Variants in THOC2 observed in about 807,000 individuals in gnomAD.
THOC2 encodes THO complex subunit 2.
THOC2 carries 10 observed loss-of-function variants against 128.4 expected under a neutral mutation model. That is an observed-to-expected ratio of 0.08 (90% CI 0.05 to 0.13). THOC2 has a LOEUF of 0.13. THOC2 is among the 10% of genes least tolerant of loss of function. THOC2 has a pLI of 1.00. For missense variants in THOC2, 535 were observed against 1,155.7 expected, an observed-to-expected ratio of 0.46 and a Z score of 7.79; for synonymous variants, 393 against 396.9, an observed-to-expected ratio of 0.99 and a Z score of 0.12.
chrX:123,713,341 G>A (rs1343372906), intron 1 of THOC2, among the ~76,000 whole-genome samples: 5 of 109,974 alleles, frequency 4.5e-5, no homozygotes, highest in African/African-American at 9.9e-5. Context: ...CAGGCGTGGC[G>A]GCATGCACGT....
intron 9 of THOC2, among the ~76,000 whole-genome samples, chrX:123,669,285 T>C (rs1222808601): frequency 9.1e-6 from 1 of 110,280 alleles, no homozygotes; most frequent in African/African-American, 3.3e-5. Context: ...ATTGCTGTAC[T>C]TATACACCTG....
chrX:123,692,071 GAAGA>G (rs2050244001), intron 7 of THOC2, among the ~76,000 whole-genome samples: 1 of 111,596 alleles, frequency 9.0e-6, no homozygotes, highest in South Asian at 3.7e-4. Context: ...CACTGATTTA[GAAGA>G]AAGGAAAGGA....
rs2050957486 is a variant in THOC2 at position 123,706,920 on chromosome X, A to G, written c.160T>C (p.Tyr54His). 3 of 1,158,942 alleles carry G rather than the reference A, an allele frequency of 2.6e-6. No individual in the cohort carries two copies. Among genetic ancestry groups the G allele is most frequent in the East Asian group, 6.2e-5 (2 of 32,495 alleles). ...TTTAGATTTCCTTTAATTACATGAT[A>G]TGACAACTCATAGAGAGCTTGCTGG... ...DFQQALYELS[Y>H]HVIKGNLKHE... is the part of the protein sequence containing the mutation. Residue 54 changes from tyrosine (Y) to histidine (H), a missense_variant, in exon 3 of 39, where the codon TAT (tyrosine) becomes CAT (histidine). Physicochemically the swap from Tyr to His is moderately conservative, Grantham distance 83. Around this residue, in one of 9 missense-constraint regions of THOC2, gnomAD observed 61 missense variants for 84.3 expected, o/e 0.72. Transcript: ENST00000245838.
At chrX:123,685,623 G>A (rs181432630) in intron 8 of THOC2, among the ~76,000 whole-genome samples, 5 of 111,453 alleles carry the variant, frequency 4.5e-5, no homozygotes, top group African/African-American at 1.3e-4. Context: ...AGATAAGGCC[G>A]GAAAGAACAG....
chrX:123,709,207 A>C (rs2051073421), intron 2 of THOC2, among the ~76,000 whole-genome samples: 1 of 112,583 alleles, frequency 8.9e-6, no homozygotes, highest in African/African-American at 3.2e-5. Context: ...TACAATGAGG[A>C]GGAAAACTTA....
intron 1 of THOC2, among the ~76,000 whole-genome samples, chrX:123,726,008 A>C (rs1481482070): frequency 9.0e-6 from 1 of 111,373 alleles, no homozygotes; most frequent in East Asian, 2.8e-4. Flanking sequence ...CAAGAGTTTG[A>C]GACTAGCCTA....
At chrX:123,616,652 G>A (rs1225838296) in intron 33 of THOC2, among the ~76,000 whole-genome samples, 1 of 108,185 alleles carries the variant, frequency 9.2e-6, no homozygotes, top group African/African-American at 3.3e-5. Context: ...GAGAGAGGCT[G>A]ATTAATGGAA....
chrX:123,617,468 G>A (rs2046939373), intron 33 of THOC2, among the ~76,000 whole-genome samples: 1 of 111,229 alleles, frequency 9.0e-6, no homozygotes, highest in African/African-American at 3.2e-5. Flanking sequence ...CACACTAAAG[G>A]AGCTAGAAAA....
intron 15 of THOC2, among the ~76,000 whole-genome samples, chrX:123,643,063 A>G (rs751521412): frequency 8.9e-6 from 1 of 111,872 alleles, no homozygotes; most frequent in African/African-American, 3.2e-5. Context: ...CTTCACTAGA[A>G]GTAACACTGG....
intron 36 of THOC2, 80 bp from the exon 37 acceptor site, chrX:123,611,596 G>A (rs2046701002): frequency 6.5e-6 from 4 of 619,627 alleles, no homozygotes; most frequent in Non-Finnish European, 1.0e-5. Flanking sequence ...CATCACCCGC[G>A]AGCTATATTT....
At chrX:123,674,189 T>C (rs2049393237) in intron 8 of THOC2, among the ~76,000 whole-genome samples, 1 of 112,176 alleles carries the variant, frequency 8.9e-6, no homozygotes, top group Non-Finnish European at 1.9e-5. Flanking sequence ...GTCCAATAAT[T>C]ACACAACTAT....
intron 7 of THOC2, among the ~76,000 whole-genome samples, chrX:123,687,022 C>T (rs1367272968): frequency 9.0e-6 from 1 of 111,263 alleles, no homozygotes; most frequent in Non-Finnish European, 1.9e-5. Context: ...TTCTTGATTA[C>T]TCGGGCTAGT....
chrX:123,627,430 G>C (rs2047309402), intron 23 of THOC2, among the ~76,000 whole-genome samples: 1 of 111,411 alleles, frequency 9.0e-6, no homozygotes, highest in Non-Finnish European at 1.9e-5. Flanking sequence ...CTTGCTATTA[G>C]AGTCACATGA....
At chrX:123,709,833 A>G (rs1216077802) in intron 2 of THOC2, among the ~76,000 whole-genome samples, 1 of 111,629 alleles carries the variant, frequency 9.0e-6, no homozygotes, top group Non-Finnish European at 1.9e-5. Flanking sequence ...ATTACACATT[A>G]TATACACGTA....
chrX:123,712,527 AT>A (rs1304824834), intron 2 of THOC2, among the ~76,000 whole-genome samples: 1 of 111,596 alleles, frequency 9.0e-6, no homozygotes, highest in Non-Finnish European at 1.9e-5. Flanking sequence ...GATCAGAACA[AT>A]TTTTCTTTCC....
At chrX:123,606,328 A>G (rs1398022121) in intron 38 of THOC2, among the ~76,000 whole-genome samples, 1 of 109,908 alleles carries the variant, frequency 9.1e-6, no homozygotes, top group African/African-American at 3.3e-5. Context: ...GTGGTGGCTC[A>G]CACCTGTAAT....
intron 38 of THOC2, among the ~76,000 whole-genome samples, chrX:123,604,350 T>C (rs981129070): frequency 4.5e-5 from 5 of 111,328 alleles, no homozygotes; most frequent in African/African-American, 1.3e-4. Context: ...TTGGTAATTA[T>C]CTGGACCTCC....
chrX:123,692,478 A>C (rs1279610762), intron 7 of THOC2, among the ~76,000 whole-genome samples: 1 of 103,617 alleles, frequency 9.7e-6, no homozygotes, highest in Admixed American at 1.1e-4. Flanking sequence ...AGAATCTTTT[A>C]GGAGCAAATA....
intron 12 of THOC2, among the ~76,000 whole-genome samples, chrX:123,648,066 C>T (rs1040861677): frequency 2.7e-5 from 3 of 110,531 alleles, no homozygotes; most frequent in Non-Finnish European, 5.7e-5. Context: ...ACAAGATCAA[C>T]GAAGAAGGTG....
Sources: allele counts gnomAD v4.1 joint callset (sites outside exome capture counted in the v4.1 genomes callset), GRCh38; gene constraint gnomAD v4.1.1; regional missense constraint gnomAD v4.1.1; transcripts MANE v1.5; gene names NCBI Gene and HGNC (gene_info 2026-07-23, HGNC 2026-07-21).